The following NOL4 variants were observed in gnomAD, a reference collection of about 807,000 sequenced individuals.
NOL4 encodes the protein nucleolar protein 4, also known as cancer/testis antigen 125.
A neutral mutation model predicts 75.9 loss-of-function variants in NOL4; 17 were observed. The observed-to-expected ratio is 0.22, with a 90% CI of 0.15 to 0.34. The LOEUF (loss-of-function observed/expected upper bound fraction) is 0.34, where lower values mean the gene tolerates loss of function less well. Ranked by LOEUF, NOL4 falls within the 10% of genes least tolerant of loss-of-function variation. The pLI is 1.00. For missense variants in NOL4, 614 were observed against 793.5 expected (o/e 0.77, Z 2.72); for synonymous variants, 292 against 289.9 (o/e 1.01, Z -0.07).
intron 6 of NOL4, among the ~76,000 whole-genome samples, chr18:34,016,071 T>G (rs984670376): frequency 6.6e-6 from 1 of 152,054 alleles, no homozygotes; most frequent in African/African-American, 2.4e-5. Context: ...AATATGCTAT[T>G]CATATTGTAG....
intron 2 of NOL4, among the ~76,000 whole-genome samples, chr18:34,106,563 A>G (rs1317302224): frequency 6.6e-6 from 1 of 151,966 alleles, no homozygotes; most frequent in Non-Finnish European, 1.5e-5. Context: ...TCCAGATTTC[A>G]AAAAATACTG....
chr18:33,938,005 C>T (rs1363397265), intron 9 of NOL4, among the ~76,000 whole-genome samples: 3 of 152,076 alleles, frequency 2.0e-5, no homozygotes, highest in Non-Finnish European at 4.4e-5. Flanking sequence ...AGCAGAGGCA[C>T]AAATGATACA....
chr18:33,945,250 C>G (rs919540703), intron 8 of NOL4, among the ~76,000 whole-genome samples: 2 of 151,570 alleles, frequency 1.3e-5, no homozygotes, highest in African/African-American at 4.8e-5. Flanking sequence ...TCTTCGTTAC[C>G]TCGATTTTTC....
intron 6 of NOL4, among the ~76,000 whole-genome samples, chr18:33,974,346 T>G (rs1367993024): frequency 6.6e-6 from 1 of 152,164 alleles, no homozygotes; most frequent in African/African-American, 2.4e-5. Context: ...GGTTTGATGT[T>G]CTATCCAGAC....
chr18:34,149,344 G>C (rs1228550124), intron 1 of NOL4, among the ~76,000 whole-genome samples: 2 of 151,444 alleles, frequency 1.3e-5, no homozygotes, highest in East Asian at 3.9e-4. Flanking sequence ...CAGAGATAAG[G>C]GTCAATCTTG....
At chr18:34,024,599 T>A (rs2075253211) in intron 5 of NOL4, among the ~76,000 whole-genome samples, 1 of 152,088 alleles carries the variant, frequency 6.6e-6, no homozygotes, top group Non-Finnish European at 1.5e-5. Context: ...GAAGCTTATC[T>A]ATCACTAGGC....
At chr18:34,122,140 C>T (rs1430263005) in intron 2 of NOL4, among the ~76,000 whole-genome samples, 4 of 152,138 alleles carry the variant, frequency 2.6e-5, no homozygotes, top group African/African-American at 4.8e-5. Flanking sequence ...AGAATTCACC[C>T]GTAACCAAAG....
chr18:33,950,408 T>C (rs369901843), intron 8 of NOL4, among the ~76,000 whole-genome samples: 30 of 152,128 alleles, frequency 2.0e-4, no homozygotes, highest in African/African-American at 7.2e-4. Context: ...CAATAAAAAT[T>C]ATCTTATCTC....
At chr18:34,163,634 A>G (rs887773277) in intron 1 of NOL4, among the ~76,000 whole-genome samples, 3 of 152,220 alleles carry the variant, frequency 2.0e-5, no homozygotes, top group South Asian at 4.1e-4. Context: ...ATGGGTAGGA[A>G]GAATCAATAC....
At chr18:34,014,826 A>G (rs953840075) in intron 6 of NOL4, among the ~76,000 whole-genome samples, 1 of 152,050 alleles carries the variant, frequency 6.6e-6, no homozygotes, top group African/African-American at 2.4e-5. Flanking sequence ...TTGCATAATA[A>G]TAAGTAATCA....
At chr18:33,882,190 C>A (rs1028351976) in intron 10 of NOL4, among the ~76,000 whole-genome samples, 6 of 152,086 alleles carry the variant, frequency 3.9e-5, no homozygotes, top group African/African-American at 1.2e-4. Flanking sequence ...GCAACAAAAG[C>A]CAAAGTTGAC....
chr18:33,990,643 C>T (rs2072851922), intron 6 of NOL4, among the ~76,000 whole-genome samples: 1 of 152,042 alleles, frequency 6.6e-6, no homozygotes, highest in Non-Finnish European at 1.5e-5. Flanking sequence ...ATAACTCTTC[C>T]TTTGAAATCT....
chr18:33,910,072 G>T (rs2066304065), intron 9 of NOL4, among the ~76,000 whole-genome samples: 2 of 152,196 alleles, frequency 1.3e-5, no homozygotes, highest in African/African-American at 4.8e-5. Context: ...TCCTACATTT[G>T]CTATAAAACT....
chr18:34,095,705 G>C (rs914673796), intron 4 of NOL4, among the ~76,000 whole-genome samples: 1 of 151,932 alleles, frequency 6.6e-6, no homozygotes, highest in African/African-American at 2.4e-5. Context: ...TTACTATATG[G>C]AATATACAAT....
At chr18:33,921,975 T>A (rs2067068373) in intron 9 of NOL4, among the ~76,000 whole-genome samples, 1 of 152,200 alleles carries the variant, frequency 6.6e-6, no homozygotes, top group Non-Finnish European at 1.5e-5. Flanking sequence ...TTTCCATTTC[T>A]CTGGCCTCAG....
intron 5 of NOL4, among the ~76,000 whole-genome samples, chr18:34,058,126 C>T (rs1490239409): frequency 6.6e-6 from 1 of 152,026 alleles, no homozygotes; most frequent in African/African-American, 2.4e-5. Flanking sequence ...CCTCTGCTGG[C>T]CTGTTGTTCC....
chr18:33,936,503 C>T (rs546407637), intron 9 of NOL4, among the ~76,000 whole-genome samples: 4 of 148,634 alleles, frequency 2.7e-5, no homozygotes, highest in Admixed American at 6.9e-5. Flanking sequence ...AGGTAAGTAA[C>T]GTGCCATTTC....
chr18:34,019,967 G>C (rs569484977), intron 5 of NOL4, among the ~76,000 whole-genome samples: 3 of 151,802 alleles, frequency 2.0e-5, no homozygotes, highest in East Asian at 2.0e-4. Flanking sequence ...TGTTTAAAAA[G>C]AGCCTGGCAC....
In NOL4 at chr18:34,208,442, G is replaced by T. The variant is rs1473408358; in HGVS notation, c.264+14548C>A. 8.3e-5 allele frequency among the ~76,000 whole-genome samples: 12 copies of T among 144,874 alleles called. 2 individuals carry two copies. Among genetic ancestry groups the T allele is most frequent in the African/African-American group, 3.0e-4 (12 of 39,370 alleles). On this transcript the variant is annotated intron_variant, in intron 1 of 10. Transcript: ENST00000261592. Reference sequence around the variant, plus strand: ...GTCCTCAGCTAGATGACAAGAAAAAGATTAAAAAAAAAAAAACTCTCAGAA... The same window carrying T: ...GTCCTCAGCTAGATGACAAGAAAAATATTAAAAAAAAAAAAACTCTCAGAA...
Sources: allele counts gnomAD v4.1 joint callset (sites outside exome capture counted in the v4.1 genomes callset), GRCh38; gene constraint gnomAD v4.1.1; transcripts MANE v1.5; gene names NCBI Gene and HGNC (gene_info 2026-07-23, HGNC 2026-07-21).